The following TMEM255A variants were observed in gnomAD, a reference collection of about 807,000 sequenced individuals.
TMEM255A encodes transmembrane protein 255A.
In TMEM255A, 14 loss-of-function variants were observed where a neutral mutation model predicts 23.5. The observed-to-expected ratio is 0.60, with a 90% CI of 0.39 to 0.93. The LOEUF (loss-of-function observed/expected upper bound fraction) is 0.93, where lower values mean the gene tolerates loss of function less well. Ranked by LOEUF, TMEM255A falls within the 40% of genes least tolerant of loss-of-function variation. TMEM255A has a pLI of 0.00. For synonymous variants in TMEM255A, 104 were observed against 100.3 expected, an observed-to-expected ratio of 1.04 and a Z score of -0.22; for missense variants, 233 against 261.7, an observed-to-expected ratio of 0.89 and a Z score of 0.76.
At chrX:120,274,115 G>T (rs1456550376) in intron 7 of TMEM255A, among the ~76,000 whole-genome samples, 11 of 112,193 alleles carry the variant, frequency 9.8e-5, no homozygotes, top group Non-Finnish European at 1.7e-4. Context: ...CAAGGTAGAT[G>T]AATTTTAAAA....
At chrX:120,281,688 A>G (rs991126672) in intron 6 of TMEM255A, among the ~76,000 whole-genome samples, 2 of 112,678 alleles carry the variant, frequency 1.8e-5, no homozygotes, top group Non-Finnish European at 1.9e-5. Flanking sequence ...GAAGTAGGCT[A>G]TCTTCTTTCA....
At chrX:120,284,580 C>G (rs1304128194) in intron 6 of TMEM255A, among the ~76,000 whole-genome samples, 1 of 110,364 alleles carries the variant, frequency 9.1e-6, no homozygotes, top group Non-Finnish European at 1.9e-5. Flanking sequence ...TCTACCTCTC[C>G]TGCTTCATTT....
intron 8 of TMEM255A, among the ~76,000 whole-genome samples, chrX:120,263,317 C>G (rs1219767576): frequency 8.9e-6 from 1 of 112,001 alleles, no homozygotes; most frequent in African/African-American, 3.2e-5. Context: ...TTGTGCACCA[C>G]CAAGCACGAA....
At chrX:120,304,254 C>G (rs1335802946) in intron 2 of TMEM255A, 95 bp downstream of exon 2, 1 of 946,998 alleles carries the variant, frequency 1.1e-6, no homozygotes, top group Non-Finnish European at 1.5e-6. Flanking sequence ...TGAGCAAACA[C>G]TAGACACTCA....
In TMEM255A at chrX:120,287,145, C is replaced by G; in HGVS notation, c.423+9G>C. ...GGAGGTAAAGACATGCAGCCTCATT[C>G]TGGCTCACCTCCTCAGCTTCCTTCT... On this transcript the variant is annotated intron_variant, in intron 5 of 8. Transcript: ENST00000371369. The G allele has an allele frequency of 8.3e-7, 1 of 1,204,761 alleles. No homozygotes were observed. Among genetic ancestry groups the G allele is most frequent in the East Asian group, 3.0e-5 (1 of 33,826 alleles).
At chrX:120,272,471 G>C (rs2057767716) in intron 7 of TMEM255A, among the ~76,000 whole-genome samples, 1 of 111,564 alleles carries the variant, frequency 9.0e-6, no homozygotes, top group Non-Finnish European at 1.9e-5. Flanking sequence ...CAGGTGTTGA[G>C]GGAGAGACCT....
downstream of TMEM255A, chrX:120,254,347 A>G: frequency 9.1e-6 from 11 of 1,211,908 alleles, no homozygotes; most frequent in Non-Finnish European, 1.2e-5. Flanking sequence ...TTACTTGTGC[A>G]GAATCAGCAG....
chrX:120,276,378 C>T (rs2057798694), intron 7 of TMEM255A, among the ~76,000 whole-genome samples: 1 of 111,931 alleles, frequency 8.9e-6, no homozygotes, highest in Non-Finnish European at 1.9e-5. Flanking sequence ...AGCAACTTAG[C>T]CTAGAGCTGG....
At chrX:120,277,907 T>G (rs1670586352) in intron 6 of TMEM255A, among the ~76,000 whole-genome samples, 2 of 112,088 alleles carry the variant, frequency 1.8e-5, no homozygotes, top group South Asian at 7.5e-4. Context: ...ATGGAATGAA[T>G]TTTGTCCCTC....
At chrX:120,284,580 C>T (rs1304128194) in intron 6 of TMEM255A, among the ~76,000 whole-genome samples, 1 of 110,364 alleles carries the variant, frequency 9.1e-6, no homozygotes, top group Non-Finnish European at 1.9e-5. Flanking sequence ...TCTACCTCTC[C>T]TGCTTCATTT....
At chrX:120,271,114 C>A (rs2057757394) in intron 7 of TMEM255A, among the ~76,000 whole-genome samples, 1 of 111,493 alleles carries the variant, frequency 9.0e-6, no homozygotes, top group South Asian at 3.8e-4. Context: ...CTCGGTACTT[C>A]CCTTGCTCTC....
At chrX:120,266,277 T>C (rs2057717013) in intron 8 of TMEM255A, among the ~76,000 whole-genome samples, 1 of 111,121 alleles carries the variant, frequency 9.0e-6, no homozygotes, top group South Asian at 3.8e-4. Flanking sequence ...GCTGTTTCCA[T>C]AGCATTCTGG....
chrX:120,268,228 T>C lies in TMEM255A; in HGVS notation c.819+16A>G, dbSNP rs376221662. ...AACAAGGGTAATACAGAGTTCTTTT[T>C]TCTCCCAAAACATACCTGAAAGTCA... On this transcript the variant is annotated intron_variant, in intron 8 of 8. Transcript: ENST00000371369. 97 of 1,199,333 alleles carry C rather than the reference T, an allele frequency of 8.1e-5. No individual in the cohort carries two copies. The highest frequency in any genetic ancestry group is 1.0e-4 in the Non-Finnish European group (89 of 891,091).
intron 6 of TMEM255A, among the ~76,000 whole-genome samples, chrX:120,283,249 C>G (rs781801264): frequency 1.8e-5 from 2 of 111,067 alleles, no homozygotes; most frequent in African/African-American, 6.6e-5. Context: ...GTTATTATTA[C>G]AACATAAATA....
At chrX:120,278,225 G>A (rs1393042903) in intron 6 of TMEM255A, among the ~76,000 whole-genome samples, 1 of 106,845 alleles carries the variant, frequency 9.4e-6, no homozygotes, top group East Asian at 3.0e-4. Context: ...CACAAGCCAG[G>A]TAGAGAGCCC....
downstream of TMEM255A, chrX:120,254,834 C>G (rs782372203): frequency 1.3e-5 from 16 of 1,211,737 alleles, no homozygotes; most frequent in Middle Eastern, 2.3e-4. Context: ...AGATGGCAAA[C>G]AAACGTATGA....
chrX:120,308,728 T>A (rs1556027611), intron 1 of TMEM255A, among the ~76,000 whole-genome samples: 1 of 111,633 alleles, frequency 9.0e-6, no homozygotes, highest in East Asian at 2.8e-4. Context: ...GAGGTGCCTT[T>A]GCGCCTGGGG....
rs1168813799 is a variant in TMEM255A at position 120,259,265 on chromosome X, CATA to C, written c.*1602_*1604del. ...TAATATGCTCAGAACTGTAAAAAAT[CATA>C]GTAATTTTGTATAACATAAAAGGAT... On this transcript the variant is annotated 3_prime_UTR_variant, in exon 9 of 9. Coordinates refer to ENST00000371369, the MANE Select transcript of TMEM255A (RefSeq NM_001104544.3). 5.3e-5 allele frequency: 6 copies of C among 112,780 alleles called. No homozygotes were observed. The highest frequency in any genetic ancestry group is 1.1e-4 in the Non-Finnish European group (6 of 53,279). The allele number at this position is 112,780 out of a possible 1,213,427, so 9.3% of individuals were successfully genotyped here. A position where few individuals can be genotyped will look rare whatever the true frequency, so the allele number is the denominator to read the frequency against.
intron 6 of TMEM255A, among the ~76,000 whole-genome samples, chrX:120,277,948 A>G (rs782786879): frequency 8.9e-6 from 1 of 112,001 alleles, no homozygotes; most frequent in South Asian, 3.8e-4. Context: ...CTATCCCCCA[A>G]TGTGACTGTA....
Sources: allele counts gnomAD v4.1 joint callset (sites outside exome capture counted in the v4.1 genomes callset), GRCh38; gene constraint gnomAD v4.1.1; transcripts MANE v1.5; gene names NCBI Gene and HGNC (gene_info 2026-07-23, HGNC 2026-07-21).